The following ITFG1 variants were observed in gnomAD, a reference collection of about 807,000 sequenced individuals.
The protein encoded by ITFG1 is integrin alpha FG-GAP repeat containing 1, also known as T-cell immunomodulatory protein.
ITFG1 carries 34 observed loss-of-function variants against 81.8 expected under a neutral mutation model. The ratio of observed to expected loss-of-function variants is 0.42; its 90% CI spans 0.32 to 0.55. The LOEUF (loss-of-function observed/expected upper bound fraction) is 0.55. ITFG1 is among the 20% of genes least tolerant of loss of function. The probability of loss-of-function intolerance (pLI) is 0.17; values close to 1 mark genes in which losing one functional copy is unlikely to be tolerated. For missense variants in ITFG1, 672 were observed against 755.4 expected, an observed-to-expected ratio of 0.89 and a Z score of 1.29; for synonymous variants, 285 against 270.6, an observed-to-expected ratio of 1.05 and a Z score of -0.52.
At chr16:47,461,181 C>T (rs1316313984), upstream of ITFG1, 7 of 995,716 alleles carry the variant, frequency 7.0e-6, no homozygotes, top group Non-Finnish European at 1.0e-5. Flanking sequence ...TTTCTCTCTC[C>T]CACTAGGGCT....
At chr16:47,328,434 C>A (rs1338300307) in intron 8 of ITFG1, among the ~76,000 whole-genome samples, 2 of 151,884 alleles carry the variant, frequency 1.3e-5, no homozygotes, top group Non-Finnish European at 2.9e-5. Context: ...AACAAACCTG[C>A]ACATTGTGCA....
intron 14 of ITFG1, among the ~76,000 whole-genome samples, chr16:47,211,102 A>G (rs1965555968): frequency 6.6e-6 from 1 of 152,192 alleles, no homozygotes; most frequent in Admixed American, 6.5e-5. Flanking sequence ...TTAAACCTGC[A>G]AGGCAATTTA....
intron 8 of ITFG1, among the ~76,000 whole-genome samples, chr16:47,322,786 G>A (rs1031293708): frequency 6.6e-6 from 1 of 152,148 alleles, no homozygotes; most frequent in Non-Finnish European, 1.5e-5. Context: ...TTTTCTGTGT[G>A]TTCAGAGCAC....
chr16:47,213,608 C>T (rs191520353), intron 14 of ITFG1, among the ~76,000 whole-genome samples: 3 of 152,184 alleles, frequency 2.0e-5, no homozygotes, highest in Non-Finnish European at 2.9e-5. Flanking sequence ...TGCTATGTCA[C>T]GGGAGGGGAG....
At chr16:47,322,242 T>C (rs1418146843) in intron 8 of ITFG1, among the ~76,000 whole-genome samples, 2 of 152,202 alleles carry the variant, frequency 1.3e-5, no homozygotes, top group Non-Finnish European at 2.9e-5. Context: ...TGCCAGTCAC[T>C]GTCAGACATA....
chr16:47,249,886 G>GT (rs1412555656), intron 12 of ITFG1, among the ~76,000 whole-genome samples: 2 of 152,168 alleles, frequency 1.3e-5, no homozygotes, highest in Non-Finnish European at 2.9e-5. Context: ...CATAAATACT[G>GT]TAACACTAAG....
intron 5 of ITFG1, chr16:47,448,970 C>T (rs1328037347): frequency 6.6e-6 from 1 of 152,196 alleles, no homozygotes; most frequent in Non-Finnish European, 1.5e-5. Context: ...AGTGCCCTTC[C>T]TGTCCCTGTT....
chr16:47,258,011 CAA>C (rs1287902193), intron 12 of ITFG1, among the ~76,000 whole-genome samples: 3 of 152,112 alleles, frequency 2.0e-5, no homozygotes. Flanking sequence ...GGGTGCTAGG[CAA>C]AAGTTTCATA....
chr16:47,228,246 C>T (rs1965777658), intron 13 of ITFG1, among the ~76,000 whole-genome samples: 1 of 152,148 alleles, frequency 6.6e-6, no homozygotes, highest in Non-Finnish European at 1.5e-5. Context: ...TCAAATAAAT[C>T]AGTTATAATC....
At chr16:47,366,354 G>T (rs1161136151) in intron 7 of ITFG1, among the ~76,000 whole-genome samples, 3 of 152,156 alleles carry the variant, frequency 2.0e-5, no homozygotes, top group Non-Finnish European at 1.5e-5. Flanking sequence ...ATATTGAAAT[G>T]AGAGGAGAAT....
intron 6 of ITFG1, among the ~76,000 whole-genome samples, chr16:47,385,908 C>A (rs1014415527): frequency 1.4e-4 from 22 of 152,272 alleles, no homozygotes; most frequent in African/African-American, 4.8e-4. Flanking sequence ...GTAAATTGAT[C>A]ATATTTAACT....
chr16:47,231,735 G>T (rs1055587396), intron 13 of ITFG1, among the ~76,000 whole-genome samples: 7 of 152,218 alleles, frequency 4.6e-5, no homozygotes, highest in Non-Finnish European at 1.0e-4. Context: ...GGCCTACTAT[G>T]GTCTATCTAC....
chr16:47,200,994 G>C (rs764138874), intron 14 of ITFG1, among the ~76,000 whole-genome samples: 11 of 152,094 alleles, frequency 7.2e-5, no homozygotes, highest in Non-Finnish European at 1.5e-4. Flanking sequence ...AGTCCTACTG[G>C]ATAATAACAA....
intron 8 of ITFG1, among the ~76,000 whole-genome samples, chr16:47,359,719 A>G (rs1382642244): frequency 6.6e-6 from 1 of 152,186 alleles, no homozygotes; most frequent in Non-Finnish European, 1.5e-5. Context: ...TTGCCTTAGA[A>G]TCTTCACTTA....
chr16:47,445,208 T>C (rs969891958), intron 5 of ITFG1, among the ~76,000 whole-genome samples: 3 of 142,512 alleles, frequency 2.1e-5, no homozygotes, highest in Non-Finnish European at 4.5e-5. Flanking sequence ...TGGCTCTTCC[T>C]GTAATCCCAG....
At chr16:47,379,794 C>T (rs1344076713) in intron 6 of ITFG1, among the ~76,000 whole-genome samples, 2 of 151,994 alleles carry the variant, frequency 1.3e-5, no homozygotes, top group Non-Finnish European at 2.9e-5. Flanking sequence ...AAATAAAACA[C>T]CTTTTCCCCC....
At chr16:47,317,933 C>T (rs527271298) in intron 8 of ITFG1, 13 of 152,182 alleles carry the variant, frequency 8.5e-5, no homozygotes, top group East Asian at 3.9e-4. Context: ...CAGCTCACTA[C>T]GGTAATAAAA....
At chr16:47,287,799 A>AT (rs1966875964) in intron 10 of ITFG1, among the ~76,000 whole-genome samples, 2 of 152,172 alleles carry the variant, frequency 1.3e-5, no homozygotes, top group Admixed American at 1.3e-4. Flanking sequence ...TGTTAAGCAA[A>AT]TTTTTATGTG....
chr16:47,384,520 G>A (rs7202716), intron 6 of ITFG1, among the ~76,000 whole-genome samples: 17,901 of 152,074 alleles, frequency 0.12, 2,324 homozygotes, highest in African/African-American at 0.32. Flanking sequence ...TAAGGTTTCC[G>A]CACATTATTT....
Sources: gnomAD v4.1 joint callset for allele counts (sites outside exome capture counted in the v4.1 genomes callset) on GRCh38, gnomAD v4.1.1 for gene constraint, MANE v1.5 for transcripts, NCBI Gene and HGNC (gene_info 2026-07-23, HGNC 2026-07-21) for gene names.